The following BCAT1 variants were observed in gnomAD, a reference collection of about 807,000 sequenced individuals.
BCAT1 encodes the protein branched-chain-amino-acid aminotransferase, cytosolic.
A neutral mutation model predicts 52.4 loss-of-function variants in BCAT1; 48 were observed. The observed-to-expected ratio is 0.92, with a 90% CI of 0.73 to 1.16. The LOEUF is 1.16. Ranked by LOEUF, BCAT1 falls within the 50% of genes most tolerant of loss-of-function variation. The pLI, the probability that BCAT1 is intolerant of heterozygous loss-of-function variation, is 0.00. For missense variants in BCAT1, 451 were observed against 457.1 expected, an observed-to-expected ratio of 0.99 and a Z score of 0.12; for synonymous variants, 167 against 161.3, an observed-to-expected ratio of 1.04 and a Z score of -0.27.
At chr12:24,884,422 C>T (rs138742694) in intron 3 of BCAT1, among the ~76,000 whole-genome samples, 2 of 152,240 alleles carry the variant, frequency 1.3e-5, no homozygotes. Context: ...ACCTATCGCA[C>T]AGCATGGTGA....
chr12:24,945,816 T>A (rs988241594), intron 1 of BCAT1: 1 of 151,926 alleles, frequency 6.6e-6, no homozygotes, highest in East Asian at 1.9e-4. Flanking sequence ...ACAGTGAGAT[T>A]CTGTCAAAAA....
At chr12:24,837,508 C>T (rs1293881905) in intron 7 of BCAT1, among the ~76,000 whole-genome samples, 3 of 150,142 alleles carry the variant, frequency 2.0e-5, no homozygotes, top group African/African-American at 7.4e-5. Context: ...CTCACTGCAC[C>T]CTCTGCCTCC....
chr12:24,832,058 C>T (rs1024454706), intron 9 of BCAT1, among the ~76,000 whole-genome samples: 6 of 152,088 alleles, frequency 3.9e-5, no homozygotes, highest in African/African-American at 7.2e-5. Flanking sequence ...AAAAAAAAAT[C>T]AAGGGATTGA....
At chr12:24,943,493 GAAAAAA>G (rs4031153) in intron 1 of BCAT1, among the ~76,000 whole-genome samples, 92 of 58,558 alleles carry the variant, frequency 1.6e-3, no homozygotes, top group Middle Eastern at 0.021. Context: ...ACCCTATCTG[GAAAAAA>G]AAAAAAAAAA....
chr12:24,872,043 T>G (rs1942196714), intron 5 of BCAT1, among the ~76,000 whole-genome samples: 1 of 152,220 alleles, frequency 6.6e-6, no homozygotes, highest in Non-Finnish European at 1.5e-5. Context: ...ATTTATAAAT[T>G]GCTGCTGTGC....
chr12:24,831,541 T>C (rs935070870), intron 9 of BCAT1, among the ~76,000 whole-genome samples: 2 of 152,092 alleles, frequency 1.3e-5, no homozygotes, highest in African/African-American at 4.8e-5. Context: ...CCCAGCTACT[T>C]GGGAGACTGA....
intron 2 of BCAT1, among the ~76,000 whole-genome samples, chr12:24,895,457 C>T (rs1309816293): frequency 3.3e-5 from 5 of 150,386 alleles, no homozygotes; most frequent in African/African-American, 4.9e-5. Context: ...ACCCGGGAGG[C>T]GGAGGTTGCA....
intron 6 of BCAT1, among the ~76,000 whole-genome samples, chr12:24,848,010 G>A (rs1941396289): frequency 6.6e-6 from 1 of 152,172 alleles, no homozygotes; most frequent in African/African-American, 2.4e-5. Flanking sequence ...CATAGGAGGA[G>A]ACGGCCCTAG....
intron 6 of BCAT1, among the ~76,000 whole-genome samples, chr12:24,844,558 T>G (rs570803649): frequency 3.3e-5 from 5 of 152,154 alleles, no homozygotes; most frequent in Admixed American, 1.3e-4. Context: ...CTATGGTGAT[T>G]GCCATTGGAG....
chr12:24,940,341 G>A (rs1193415437), intron 1 of BCAT1, among the ~76,000 whole-genome samples: 1 of 152,258 alleles, frequency 6.6e-6, no homozygotes, highest in South Asian at 2.1e-4. Flanking sequence ...AATATCAAGT[G>A]GTAGACTAAA....
In BCAT1 at chr12:24,816,685, T is replaced by C; in HGVS notation, c.*1323A>G. 2.5e-6 allele frequency: 1 copy of C among 397,050 alleles called. No individual in the cohort carries two copies. Among genetic ancestry groups the C allele is most frequent in the Non-Finnish European group, 4.4e-6 (1 of 225,142 alleles). 24.6% of individuals were successfully genotyped at this position (397,050 alleles called of 1,614,324 possible). On this transcript the variant is annotated 3_prime_UTR_variant, in exon 11 of 11. Transcript: ENST00000261192. Reference sequence around the variant, plus strand: ...TTGGTATGATATCATGACCTCTCTCTAGAGCAGTGGTCCCCAACATTTTTG... The same window carrying C: ...TTGGTATGATATCATGACCTCTCTCCAGAGCAGTGGTCCCCAACATTTTTG...
At position 24,910,166 on chromosome 12, in the gene BCAT1, G is replaced by A. The variant is rs562189115; in HGVS notation, c.7-8281C>T. 1.2e-4 allele frequency among the ~76,000 whole-genome samples: 19 copies of A among 152,206 alleles called. No homozygotes were observed. In the South Asian group the frequency reaches 1.9e-3, roughly 15 times the overall value. On this transcript the variant is annotated intron_variant, in intron 1 of 10. Coordinates refer to ENST00000261192, the MANE Select transcript of BCAT1 (RefSeq NM_005504.7). Reference sequence around the variant, plus strand: ...AAGCAGGCATATCACCTGAGATCAGGAGTTCGAGACCAACCTGGCCAACAT... The same window carrying A: ...AAGCAGGCATATCACCTGAGATCAGAAGTTCGAGACCAACCTGGCCAACAT...
intron 1 of BCAT1, among the ~76,000 whole-genome samples, chr12:24,914,849 T>C (rs1235750667): frequency 2.0e-5 from 3 of 152,212 alleles, no homozygotes; most frequent in Non-Finnish European, 1.5e-5. Context: ...AAACATTAGT[T>C]TGGAGACTTG....
chr12:24,940,763 T>C (rs1425921599), intron 1 of BCAT1, among the ~76,000 whole-genome samples: 1 of 152,186 alleles, frequency 6.6e-6, no homozygotes, highest in African/African-American at 2.4e-5. Context: ...CACAGGGAAT[T>C]TGAGAAGTCC....
At chr12:24,866,641 C>G (rs1591821629) in intron 5 of BCAT1, among the ~76,000 whole-genome samples, 2 of 152,288 alleles carry the variant, frequency 1.3e-5, no homozygotes, top group South Asian at 4.1e-4. Flanking sequence ...CTGTATCTAG[C>G]TCAAGGTTTG....
intron 8 of BCAT1, chr12:24,834,043 G>C: frequency 8.9e-6 from 5 of 559,846 alleles, no homozygotes; most frequent in Non-Finnish European, 1.1e-5. Flanking sequence ...TGTTGCCCAG[G>C]CTGGGCTCAT....
At chr12:24,864,463 A>G (rs75580967) in intron 5 of BCAT1, among the ~76,000 whole-genome samples, 1,742 of 152,314 alleles carry the variant, frequency 0.011, 16 homozygotes, top group Non-Finnish European at 0.019. Context: ...ATGGAGCAGT[A>G]TGTGTGTGAC....
At chr12:24,861,233 G>A (rs773188239) in intron 5 of BCAT1, among the ~76,000 whole-genome samples, 7 of 152,158 alleles carry the variant, frequency 4.6e-5, no homozygotes, top group Non-Finnish European at 1.0e-4. Context: ...GAAACAGAAG[G>A]GTAACATAAA....
chr12:24,836,304 T>A (rs1940920967), intron 8 of BCAT1: 1 of 518,960 alleles, frequency 1.9e-6, no homozygotes, highest in South Asian at 3.0e-5. Context: ...TAAACTGGTT[T>A]CTCTCTGCCC....
Sources: gnomAD v4.1 joint callset for allele counts (sites outside exome capture counted in the v4.1 genomes callset) on GRCh38, gnomAD v4.1.1 for gene constraint, MANE v1.5 for transcripts, NCBI Gene and HGNC (gene_info 2026-07-23, HGNC 2026-07-21) for gene names.